The following RGPD1 variants were observed in gnomAD, a reference collection of about 807,000 sequenced individuals.
RGPD1 encodes the protein RANBP2-like and GRIP domain-containing protein 1.
RGPD1 carries 7 observed loss-of-function variants against 40.6 expected under a neutral mutation model. That is an observed-to-expected ratio of 0.17 (90% CI 0.10 to 0.32). The LOEUF is 0.32. RGPD1 is among the 10% of genes least tolerant of loss of function. The pLI is 1.00. For missense variants in RGPD1, 50 were observed against 472.5 expected, an observed-to-expected ratio of 0.11 and a Z score of 8.29; for synonymous variants, 24 against 167.0, an observed-to-expected ratio of 0.14 and a Z score of 6.60.
chr2:86,929,475 C>G (rs1365557726), intron 1 of RGPD1, among the ~76,000 whole-genome samples: 1 of 151,778 alleles, frequency 6.6e-6, no homozygotes, highest in African/African-American at 2.4e-5. Flanking sequence ...AAATAATAAC[C>G]AGGCTAGCAT....
chr2:86,996,774 TG>T (rs1681790834), intron 21 of RGPD1, among the ~76,000 whole-genome samples: 1 of 86,416 alleles, frequency 1.2e-5, no homozygotes, highest in Admixed American at 1.2e-4. Flanking sequence ...GAATTTTCAC[TG>T]TGTCTGAACT....
At chr2:86,944,493 C>T (rs1470644890) in intron 1 of RGPD1, among the ~76,000 whole-genome samples, 2 of 151,920 alleles carry the variant, frequency 1.3e-5, no homozygotes, top group African/African-American at 4.8e-5. Context: ...ACTTCCGCCT[C>T]CCCAGCTCAA....
At chr2:86,984,875 A>G in intron 19 of RGPD1, 27 bp downstream of exon 19, 1 of 143,616 alleles carries the variant, frequency 7.0e-6, no homozygotes, top group Non-Finnish European at 8.3e-6. Flanking sequence ...TTATACATTT[A>G]TAATTATTTT....
chr2:87,007,333 TG>T (rs1163101694), intron 22 of RGPD1, among the ~76,000 whole-genome samples: 1 of 147,356 alleles, frequency 6.8e-6, no homozygotes, highest in Non-Finnish European at 1.5e-5. Flanking sequence ...CCTGAGTAGC[TG>T]GGACTGTAGG....
intron 1 of RGPD1, among the ~76,000 whole-genome samples, chr2:86,914,378 GGGCGGC>G (rs1216392183): frequency 5.2e-4 from 4 of 7,736 alleles, no homozygotes; most frequent in Admixed American, 8.8e-4. Context: ...CGACCTGGCC[GGGCGGC>G]GGCGGCGGCG....
rs576236221 is a variant in RGPD1 at position 86,924,207 on chromosome 2, G to A, written c.72+10286G>A. On this transcript the variant is annotated intron_variant, in intron 1 of 22. Transcript: ENST00000398193. The stretch of plus-strand genomic sequence containing the variant: ...GTCTTGCTGTGTCATCCAGGCTGGA[G>A]TGCAGTGGCACGATCTCGGCTCACT... Among the ~76,000 whole-genome samples the A allele has an allele frequency of 4.9e-3, 742 of 151,376 alleles. 2 individuals are homozygous for A. Among genetic ancestry groups the A allele is most frequent in the African/African-American group, 7.0e-3 (288 of 41,208 alleles).
intron 1 of RGPD1, among the ~76,000 whole-genome samples, chr2:86,931,242 C>G (rs1451404121): frequency 6.6e-6 from 1 of 151,516 alleles, no homozygotes; most frequent in African/African-American, 2.4e-5. Context: ...TGTACCTTTC[C>G]TTTTTCACTG....
chr2:87,000,646 T>C (rs557575587), intron 22 of RGPD1, among the ~76,000 whole-genome samples: 1 of 86,640 alleles, frequency 1.2e-5, no homozygotes, highest in Non-Finnish European at 2.3e-5. Flanking sequence ...ACCTTACATT[T>C]TCTCTTTAAG....
chr2:86,942,457 G>A (rs1368840402), intron 1 of RGPD1, 149 bp downstream of exon 1: 20 of 549,684 alleles, frequency 3.6e-5, no homozygotes, highest in Admixed American at 1.9e-4. Context: ...GGCGCGCTCT[G>A]TTGAGGCGCC....
intron 1 of RGPD1, among the ~76,000 whole-genome samples, chr2:86,936,888 C>A (rs1195831409): frequency 7.1e-6 from 1 of 141,496 alleles, no homozygotes; most frequent in Non-Finnish European, 1.5e-5. Context: ...AAAGCACAGA[C>A]ATTGCTTAAC....
At chr2:86,926,140 C>T (rs1214823903) in intron 1 of RGPD1, among the ~76,000 whole-genome samples, 8 of 152,226 alleles carry the variant, frequency 5.3e-5, no homozygotes, top group Admixed American at 1.3e-4. Context: ...TGGGGGAAAT[C>T]AGAGGGAGGT....
At chr2:86,943,906 C>T (rs1335377538) in intron 1 of RGPD1, among the ~76,000 whole-genome samples, 17 of 151,744 alleles carry the variant, frequency 1.1e-4, no homozygotes, top group East Asian at 7.8e-4. Flanking sequence ...CCCAGCTACC[C>T]GGGAGGCTGA....
intron 1 of RGPD1, among the ~76,000 whole-genome samples, chr2:86,929,962 C>T (rs1199605498): frequency 5.1e-4 from 72 of 141,552 alleles, no homozygotes; most frequent in African/African-American, 1.7e-3. Context: ...GGAAGACAGC[C>T]CCATGGGAAA....
At chr2:86,929,682 C>G in intron 1 of RGPD1, among the ~76,000 whole-genome samples, 1 of 120,066 alleles carries the variant, frequency 8.3e-6, no homozygotes, top group African/African-American at 2.9e-5. Flanking sequence ...ACTCCAGAGC[C>G]CACACTCTTT....
chr2:86,913,979 TGGCCGGGC>T (rs1677572922), intron 1 of RGPD1: 1 of 1,069,346 alleles, frequency 9.4e-7, no homozygotes, highest in Non-Finnish European at 1.2e-6. Context: ...GGCCTCGACC[TGGCCGGGC>T]GGCGGCGGCG....
chr2:86,936,817 T>C (rs1308681165), intron 1 of RGPD1, among the ~76,000 whole-genome samples: 1 of 142,854 alleles, frequency 7.0e-6, no homozygotes, highest in Non-Finnish European at 1.5e-5. Flanking sequence ...ATTGGTTCAT[T>C]TGGGGACTCG....
At chr2:86,943,735 G>T (rs1680103521) in intron 1 of RGPD1, among the ~76,000 whole-genome samples, 1 of 152,238 alleles carries the variant, frequency 6.6e-6, no homozygotes, top group South Asian at 2.1e-4. Flanking sequence ...TATTGGCGGG[G>T]CGCAGTGGCT....
intron 1 of RGPD1, chr2:86,914,025 G>C (rs1029955910): frequency 2.0e-4 from 2 of 10,244 alleles, no homozygotes; most frequent in Non-Finnish European, 2.9e-4. Context: ...GCCGGGCGGC[G>C]GCGGCGGCGG....
At position 86,945,247 on chromosome 2, in the gene RGPD1, T is replaced by C. The variant is rs867075231; in HGVS notation, c.72+2939T>C. Among the ~76,000 whole-genome samples, 1,344 of 151,898 alleles carry C rather than the reference T, an allele frequency of 8.8e-3. 14 individuals are homozygous for C. Among genetic ancestry groups the C allele is most frequent in the African/African-American group, 0.03 (1,255 of 41,398 alleles). On this transcript the variant is annotated intron_variant, in intron 1 of 22. Transcript: ENST00000641458. ...TCTTACACTTAGAGTCTTTTTTTTT[T>C]CCCCCAAATTTAAAGTCATTTACAT... is the stretch of plus-strand genomic sequence containing the variant.
Sources: gnomAD v4.1 joint callset for allele counts (sites outside exome capture counted in the v4.1 genomes callset) on GRCh38, gnomAD v4.1.1 for gene constraint, MANE v1.5 for transcripts, NCBI Gene and HGNC (gene_info 2026-07-23, HGNC 2026-07-21) for gene names.